ADAMTS17: variants seen among roughly 807,000 people sequenced by gnomAD.
ADAMTS17 encodes the protein ADAM metallopeptidase with thrombospondin type 1 motif 17.
In ADAMTS17, 113 loss-of-function variants were observed where a neutral mutation model predicts 141.5. The observed-to-expected ratio is 0.80, with a 90% CI of 0.69 to 0.93. ADAMTS17 has a LOEUF of 0.93. Ranked by LOEUF, ADAMTS17 falls within the 40% of genes least tolerant of loss-of-function variation. The pLI is 0.00. For synonymous variants in ADAMTS17, 768 were observed against 630.6 expected, an observed-to-expected ratio of 1.22 and a Z score of -3.27; for missense variants, 1,659 against 1,517.9, an observed-to-expected ratio of 1.09 and a Z score of -1.54.
At chr15:100,154,623 A>T (rs1349719356) in intron 9 of ADAMTS17, among the ~76,000 whole-genome samples, 1 of 152,170 alleles carries the variant, frequency 6.6e-6, no homozygotes, top group African/African-American at 2.4e-5. Flanking sequence ...ACAGGTACAG[A>T]CTGTGACAAA....
At chr15:100,070,474 T>C (rs1230453968) in intron 15 of ADAMTS17, among the ~76,000 whole-genome samples, 4 of 150,184 alleles carry the variant, frequency 2.7e-5, no homozygotes, top group Non-Finnish European at 4.4e-5. Flanking sequence ...TATTCCAAAA[T>C]TGACCACTTA....
At chr15:100,162,375 AT>A (rs1239043818) in intron 8 of ADAMTS17, among the ~76,000 whole-genome samples, 1 of 147,708 alleles carries the variant, frequency 6.8e-6, no homozygotes, top group Non-Finnish European at 1.5e-5. Context: ...AGTTATATAT[AT>A]GTTATATATA....
chr15:100,053,933 AG>A lies in ADAMTS17; in HGVS notation c.2258del (p.Ser753LeufsTer12). 1.9e-6 allele frequency: 3 copies of A among 1,614,202 alleles called. No individual in the cohort carries two copies. The highest frequency in any genetic ancestry group is 2.5e-6 in the Non-Finnish European group (3 of 1,180,032). On this transcript the variant is annotated frameshift_variant, in exon 16 of 22. Transcript: ENST00000268070. LOFTEE classifies it high-confidence loss of function. Reference sequence around the variant, plus strand: ...GCGGTAGTTTGGTTGGTCCCTTGGCAGAGATCTTCTCCCACAGCCCCCTTCT... The same window carrying A: ...GCGGTAGTTTGGTTGGTCCCTTGGCAAGATCTTCTCCCACAGCCCCCTTCT... ...YVRRGLWEKI[S>X]AKGPTKLPLH...
chr15:100,209,131 A>AAAAG (rs1555483240), intron 7 of ADAMTS17, among the ~76,000 whole-genome samples: 2 of 133,102 alleles, frequency 1.5e-5, no homozygotes, highest in Non-Finnish European at 3.1e-5. Flanking sequence ...AAAAAAAAAA[A>AAAAG]AAGGAAGAAA....
At chr15:100,067,470 G>C (rs1237486442) in intron 15 of ADAMTS17, among the ~76,000 whole-genome samples, 4 of 152,350 alleles carry the variant, frequency 2.6e-5, no homozygotes, top group East Asian at 3.9e-4. Context: ...AATTTTTCCA[G>C]TCACATTTTA....
At chr15:99,985,827 C>A (rs933904334) in intron 20 of ADAMTS17, among the ~76,000 whole-genome samples, 1 of 152,160 alleles carries the variant, frequency 6.6e-6, no homozygotes, top group African/African-American at 2.4e-5. Context: ...TCTAAAGCAA[C>A]GGCAAATGTC....
At position 100,124,770 on chromosome 15, in the gene ADAMTS17, C is replaced by T. The variant is rs117021774; in HGVS notation, c.1721+7237G>A. Among the ~76,000 whole-genome samples the T allele has an allele frequency of 4.8e-4, 64 of 133,558 alleles. No individual in the cohort carries two copies. The East Asian group carries it at 0.011, about 23-fold the overall frequency. 87.6% of individuals were successfully genotyped at this position (133,558 alleles called of 152,430 possible). ...AGGTAGAGAGGCTTTGGTGAGAAACCGAAAGCGTGGAGAGAAAGGTGAGCT... is the reference window on the plus strand; with the variant it reads ...AGGTAGAGAGGCTTTGGTGAGAAACTGAAAGCGTGGAGAGAAAGGTGAGCT... On this transcript the variant is annotated intron_variant, in intron 12 of 21. Coordinates refer to ENST00000268070, the MANE Select transcript of ADAMTS17 (RefSeq NM_139057.4).
At chr15:100,172,096 C>T (rs2040182491) in intron 8 of ADAMTS17, among the ~76,000 whole-genome samples, 1 of 152,156 alleles carries the variant, frequency 6.6e-6, no homozygotes, top group Non-Finnish European at 1.5e-5. Context: ...GGAGACAGGA[C>T]AGAATTTCAG....
In ADAMTS17 at chr15:100,167,617, AC is replaced by A. The variant is rs1254118146; in HGVS notation, c.1182-12298del. 2.0e-5 allele frequency among the ~76,000 whole-genome samples: 3 copies of A among 152,066 alleles called. No individual in the cohort carries two copies. The South Asian group carries it at 6.3e-4, about 32-fold the overall frequency. On this transcript the variant is annotated intron_variant, in intron 8 of 21. Coordinates refer to ENST00000268070, the MANE Select transcript of ADAMTS17 (RefSeq NM_139057.4). ...AATGTGACCTCAAGCAGGAAGGGGG[AC>A]CCCCGAGGCACCTTCCTATGGATGG...
intron 14 of ADAMTS17, among the ~76,000 whole-genome samples, chr15:100,098,310 G>A (rs960705625): frequency 3.9e-5 from 6 of 152,204 alleles, no homozygotes; most frequent in South Asian, 2.1e-4. Flanking sequence ...CTAGATTCTC[G>A]GTGTGGACTG....
At chr15:100,087,601 C>T in intron 15 of ADAMTS17, among the ~76,000 whole-genome samples, 1 of 152,174 alleles carries the variant, frequency 6.6e-6, no homozygotes, top group Non-Finnish European at 1.5e-5. Context: ...AAAATACTGG[C>T]AAACCGAATC....
At chr15:100,152,907 C>T in intron 9 of ADAMTS17, 145 bp from the exon 10 acceptor site, 1 of 620,162 alleles carries the variant, frequency 1.6e-6, no homozygotes. Flanking sequence ...GCACTGGACA[C>T]ACAGACTGCG....
Position 100,287,004 on chromosome 15 carries a change from C to A in ADAMTS17, c.617-5603G>T, listed in dbSNP as rs531439482. ...AGAGATCGAGACCATCCTGGCCAAC[C>A]TGGTTAAACCCCGTCTCTACTAAAA... On this transcript the variant is annotated intron_variant, in intron 3 of 21. Transcript: ENST00000268070. 2.0e-5 allele frequency among the ~76,000 whole-genome samples: 3 copies of A among 152,108 alleles called. No homozygotes were observed. The East Asian group carries it at 5.8e-4, about 29-fold the overall frequency.
At chr15:100,106,399 ATGACCACAGACTTAG>A (rs2036416237) in intron 14 of ADAMTS17, among the ~76,000 whole-genome samples, 1 of 152,198 alleles carries the variant, frequency 6.6e-6, no homozygotes, top group South Asian at 2.1e-4. Flanking sequence ...TGCTATCCTC[ATGACCACAGACTTAG>A]GCCATTCAAA....
At chr15:100,276,904 G>T (rs995783485) in intron 4 of ADAMTS17, among the ~76,000 whole-genome samples, 8 of 152,056 alleles carry the variant, frequency 5.3e-5, no homozygotes, top group East Asian at 1.9e-4. Context: ...AGAAAGGGGG[G>T]TGCTGGTGGA....
intron 7 of ADAMTS17, among the ~76,000 whole-genome samples, chr15:100,243,738 G>A (rs552301928): frequency 8.0e-4 from 119 of 149,192 alleles, no homozygotes; most frequent in African/African-American, 2.5e-3. Context: ...TGTAGTGAGC[G>A]GAGATCCTGC....
Position 100,021,901 on chromosome 15 carries a change from G to A in ADAMTS17, c.2592-24312C>T, listed in dbSNP as rs539445123. Among the ~76,000 whole-genome samples the A allele has an allele frequency of 5.3e-5, 8 of 152,100 alleles. No individual in the cohort carries two copies. In the East Asian group the frequency reaches 1.5e-3, roughly 29 times the overall value. On this transcript the variant is annotated intron_variant, in intron 18 of 21. Coordinates refer to ENST00000268070, the MANE Select transcript of ADAMTS17 (RefSeq NM_139057.4). ...ATTTCTCGGTTGGCCAATGTCAAGC[G>A]CCTGCTCCTCCACAGGTCCTAGATG...
At chr15:100,099,631 T>C (rs536397904) in intron 14 of ADAMTS17, among the ~76,000 whole-genome samples, 12 of 152,326 alleles carry the variant, frequency 7.9e-5, no homozygotes, top group African/African-American at 2.6e-4. Context: ...GGCTTCAAGT[T>C]CCTGGCCAGC....
At chr15:100,250,923 A>T (rs1399762941) in intron 7 of ADAMTS17, among the ~76,000 whole-genome samples, 2 of 152,202 alleles carry the variant, frequency 1.3e-5, no homozygotes, top group Non-Finnish European at 2.9e-5. Flanking sequence ...AATAAATTGG[A>T]TGCTGAGATC....
Sources: allele counts gnomAD v4.1 joint callset (sites outside exome capture counted in the v4.1 genomes callset), GRCh38; gene constraint gnomAD v4.1.1; transcripts MANE v1.5; gene names NCBI Gene and HGNC (gene_info 2026-07-23, HGNC 2026-07-21).